NAP1L1: variants seen among roughly 807,000 people sequenced by gnomAD.
NAP1L1 encodes nucleosome assembly protein 1-like 1.
A neutral mutation model predicts 58.9 loss-of-function variants in NAP1L1; 9 were observed. That is an observed-to-expected ratio of 0.15 (90% CI 0.09 to 0.27). NAP1L1 has a LOEUF of 0.27. Ranked by LOEUF, NAP1L1 falls within the 10% of genes least tolerant of loss-of-function variation. The pLI is 1.00. For missense variants in NAP1L1, 302 were observed against 458.8 expected (o/e 0.66, Z 3.12); for synonymous variants, 130 against 138.3 (o/e 0.94, Z 0.42).
intron 1 of NAP1L1, among the ~76,000 whole-genome samples, chr12:76,079,005 A>C (rs1482006066): frequency 1.3e-5 from 2 of 152,156 alleles, no homozygotes; most frequent in Non-Finnish European, 2.9e-5. Flanking sequence ...ACACACACAC[A>C]CACACACATA....
rs1948641341 is a variant in NAP1L1, at chr12:76,047,545, C to G, written c.*884G>C. The G allele has an allele frequency of 1.3e-5, 2 of 151,492 alleles. No homozygotes were observed. The highest frequency in any genetic ancestry group is 6.8e-3 in the Middle Eastern group (2 of 292). The allele number at this position is 151,492 out of a possible 1,614,324, so 9.4% of individuals were successfully genotyped here. A position where few individuals can be genotyped will look rare whatever the true frequency, so the allele number is the denominator to read the frequency against. The stretch of plus-strand genomic sequence containing the variant: ...ACCCTTAATTCAAGGTAGGCCTCTA[C>G]TTCTACCTGAATTGGTACAAAATTA... On this transcript the variant is annotated 3_prime_UTR_variant, in exon 15 of 15. Transcript: ENST00000618691.
chr12:76,074,957 T>A (rs1260688288), intron 1 of NAP1L1, among the ~76,000 whole-genome samples: 1 of 152,098 alleles, frequency 6.6e-6, no homozygotes, highest in Non-Finnish European at 1.5e-5. Flanking sequence ...CAGACCTGAG[T>A]AAGTTTACTG....
At chr12:76,069,914 AAAC>A (rs1239086360) in intron 2 of NAP1L1, among the ~76,000 whole-genome samples, 1 of 152,230 alleles carries the variant, frequency 6.6e-6, no homozygotes, top group African/African-American at 2.4e-5. Context: ...AGTCAATGTA[AAAC>A]ATCATTGTAT....
rs144366856 is a variant in NAP1L1 at position 76,078,753 on chromosome 12, T to C, written c.-20-4514A>G. On this transcript the variant is annotated intron_variant, in intron 1 of 14. Coordinates refer to ENST00000618691, the MANE Select transcript of NAP1L1 (RefSeq NM_004537.7). ...CTGAAATGAAGCCTAGAAGAAAACTTTGAAAATATGGCAGAGCCACAGAAT... is the reference window on the plus strand; with the variant it reads ...CTGAAATGAAGCCTAGAAGAAAACTCTGAAAATATGGCAGAGCCACAGAAT... 5.2e-3 allele frequency among the ~76,000 whole-genome samples: 797 copies of C among 152,256 alleles called. 18 individuals carry two copies. Among genetic ancestry groups the C allele is most frequent in the Non-Finnish European group, 3.2e-3 (221 of 68,028 alleles).
chr12:76,050,434 T>C (rs2136957352), intron 12 of NAP1L1, 97 bp downstream of exon 12: 7 of 1,425,952 alleles, frequency 4.9e-6, no homozygotes, highest in African/African-American at 1.4e-5. Flanking sequence ...TTGAATTATA[T>C]TATGTCCTGC....
intron 6 of NAP1L1, chr12:76,057,965 A>C: frequency 1.0e-6 from 1 of 978,294 alleles, no homozygotes; most frequent in South Asian, 1.3e-5. Context: ...CTTAAATCAC[A>C]CAAAGATTTT....
chr12:76,053,284 G>A lies in NAP1L1; in HGVS notation c.837C>T (p.His279=). The change falls in exon 10 of 15, where the codon CAC becomes CAT. Residue 279 remains histidine (H), a synonymous_variant. Transcript: ENST00000618691. The stretch of plus-strand genomic sequence containing the variant: ...CAGTACGAACTGTCCCACGTCCCTT[G>A]TGTTTCTGCTTCTTCTTAATAGTTT... The part of the protein sequence containing the change: ...TLKTIKKKQK[H]KGRGTVRTVT... The A allele has an allele frequency of 6.2e-7, 1 of 1,613,968 alleles. No homozygotes were observed. The highest frequency in any genetic ancestry group is 8.5e-7 in the Non-Finnish European group (1 of 1,179,932).
chr12:76,070,549 A>T (rs1012611326), intron 2 of NAP1L1, among the ~76,000 whole-genome samples: 1 of 152,212 alleles, frequency 6.6e-6, no homozygotes, highest in African/African-American at 2.4e-5. Context: ...CAAAGGCTTT[A>T]AAACAGCTGT....
Position 76,056,120 on chromosome 12 carries a change from T to C in NAP1L1, c.471A>G (p.Lys157=), listed in dbSNP as rs1059143. Residue 157 remains lysine, a synonymous_variant, in exon 7 of 15, where the codon AAA becomes AAG. Coordinates refer to ENST00000618691, the MANE Select transcript of NAP1L1 (RefSeq NM_004537.7). ...KEKAKIEDEK[K]DEEKEDPKGI... is the part of the protein sequence containing the mutation. ...CTTTGGGGTCTTCTTTTTCTTCATC[T>C]TTTTTCTCATCTTCAATCTTGGCCT... 1,347,803 of 1,612,088 alleles carry C rather than the reference T, an allele frequency of 0.84. 565,679 individuals are homozygous for C. The highest frequency in any genetic ancestry group is 1 in the East Asian group (44,747 of 44,774).
intron 12 of NAP1L1, 123 bp from the exon 13 acceptor site, chr12:76,049,908 G>T: frequency 1.0e-6 from 1 of 991,932 alleles, no homozygotes; most frequent in South Asian, 1.5e-5. Flanking sequence ...TCCTATCAAG[G>T]GGCTGATTAT....
intron 1 of NAP1L1, among the ~76,000 whole-genome samples, chr12:76,077,980 C>CAAAAAAAAA (rs58558132): frequency 1.4e-4 from 9 of 65,874 alleles, no homozygotes; most frequent in Non-Finnish European, 2.2e-4. Flanking sequence ...GACCCTGTCT[C>CAAAAAAAAA]AAAAAAAAAA....
At chr12:76,066,154 A>C (rs1011784281) in intron 4 of NAP1L1, among the ~76,000 whole-genome samples, 1 of 146,968 alleles carries the variant, frequency 6.8e-6, no homozygotes, top group Non-Finnish European at 1.5e-5. Flanking sequence ...ACAAACAAAC[A>C]AACCTGGCTC....
chr12:76,073,930 T>C (rs1430036917), intron 2 of NAP1L1: 3 of 332,350 alleles, frequency 9.0e-6, no homozygotes, highest in Non-Finnish European at 1.6e-5. Flanking sequence ...ATTCTGCAAG[T>C]ATTTATAATC....
chr12:76,057,544 G>C, intron 6 of NAP1L1: 1 of 799,300 alleles, frequency 1.3e-6, no homozygotes, highest in Non-Finnish European at 2.1e-6. Flanking sequence ...TGAAATGGCT[G>C]CTGACGTTTC....
At chr12:76,076,214 G>A (rs1244223430) in intron 1 of NAP1L1, among the ~76,000 whole-genome samples, 1 of 151,978 alleles carries the variant, frequency 6.6e-6, no homozygotes, top group African/African-American at 2.4e-5. Context: ...GCACATTCCG[G>A]TTAAGTAAGA....
At chr12:76,073,620 G>A (rs1400630994) in intron 2 of NAP1L1, among the ~76,000 whole-genome samples, 7 of 152,228 alleles carry the variant, frequency 4.6e-5, no homozygotes, top group Admixed American at 3.9e-4. Flanking sequence ...GCTTTACATA[G>A]CTAACTTTGT....
intron 11 of NAP1L1, among the ~76,000 whole-genome samples, chr12:76,051,495 GAGAC>G (rs1333734270): frequency 6.6e-6 from 1 of 152,134 alleles, no homozygotes; most frequent in African/African-American, 2.4e-5. Context: ...AATCCCAAAT[GAGAC>G]AGTCCTAGTT....
chr12:76,067,312 T>C (rs1949726592), intron 4 of NAP1L1, 59 bp downstream of exon 4: 2 of 1,288,478 alleles, frequency 1.6e-6, no homozygotes, highest in African/African-American at 1.5e-5. Flanking sequence ...GTCTTAAAAA[T>C]AGATACGCCT....
rs1948539032 is a variant in NAP1L1, at chr12:76,040,037, G to A, written c.*8392C>T. On this transcript the variant is annotated 3_prime_UTR_variant, in exon 15 of 15. Transcript: ENST00000618691. Reference sequence around the variant, plus strand: ...CTAATCAAGCTTGACATTTTTGTCTGAGGGAGTTCACTACGTTATAGCTTG... The same window carrying A: ...CTAATCAAGCTTGACATTTTTGTCTAAGGGAGTTCACTACGTTATAGCTTG... 2 of 152,294 alleles carry A rather than the reference G, an allele frequency of 1.3e-5. No individual in the cohort carries two copies. The highest frequency in any genetic ancestry group is 3.4e-3 in the Middle Eastern group (1 of 294). 9.4% of individuals were successfully genotyped at this position (152,294 alleles called of 1,614,324 possible).
Sources: gnomAD v4.1 joint callset for allele counts (sites outside exome capture counted in the v4.1 genomes callset) on GRCh38, gnomAD v4.1.1 for gene constraint, MANE v1.5 for transcripts, NCBI Gene and HGNC (gene_info 2026-07-23, HGNC 2026-07-21) for gene names.